Variants in PCDH9 observed in about 807,000 individuals in gnomAD.
PCDH9 encodes protocadherin-9.
In PCDH9, 24 loss-of-function variants were observed where a neutral mutation model predicts 70.6. The ratio of observed to expected loss-of-function variants is 0.34; its 90% confidence interval spans 0.25 to 0.48. The LOEUF is 0.48. Ranked by LOEUF, PCDH9 falls within the 20% of genes least tolerant of loss-of-function variation. The probability of loss-of-function intolerance (pLI) is 0.99; values close to 1 mark genes in which losing one functional copy is unlikely to be tolerated. For missense variants in PCDH9, 1,281 were observed against 1,503.6 expected (o/e 0.85, Z 2.45); for synonymous variants, 562 against 558.5 (o/e 1.01, Z -0.09).
intron 3 of PCDH9, among the ~76,000 whole-genome samples, chr13:66,655,326 G>A (rs1221500016): frequency 6.6e-6 from 1 of 151,908 alleles, no homozygotes; most frequent in Non-Finnish European, 1.5e-5. Flanking sequence ...CTAGAAAGGA[G>A]AAAAGTGCTT....
intron 4 of PCDH9, among the ~76,000 whole-genome samples, chr13:66,610,326 A>G (rs1428994656): frequency 6.6e-6 from 1 of 152,108 alleles, no homozygotes; most frequent in Non-Finnish European, 1.5e-5. Context: ...TTCACAGCCT[A>G]ACTTGAAAGT....
intron 3 of PCDH9, among the ~76,000 whole-genome samples, chr13:66,863,502 TC>T (rs2081518033): frequency 6.6e-6 from 1 of 152,202 alleles, no homozygotes; most frequent in African/African-American, 2.4e-5. Context: ...GTTTTGTTTT[TC>T]TGAGATGGAG....
At chr13:67,129,521 T>C (rs1333346790) in intron 2 of PCDH9, among the ~76,000 whole-genome samples, 1 of 152,086 alleles carries the variant, frequency 6.6e-6, no homozygotes, top group Non-Finnish European at 1.5e-5. Context: ...AATTTATTAG[T>C]CTATAAGAAT....
intron 2 of PCDH9, among the ~76,000 whole-genome samples, chr13:67,035,810 A>C (rs1184434806): frequency 6.6e-6 from 1 of 152,100 alleles, no homozygotes; most frequent in Non-Finnish European, 1.5e-5. Context: ...CAATGATGAG[A>C]ATTCATCTTT....
intron 4 of PCDH9, among the ~76,000 whole-genome samples, chr13:66,574,544 G>C (rs924540879): frequency 6.6e-6 from 1 of 152,058 alleles, no homozygotes; most frequent in African/African-American, 2.4e-5. Context: ...AATTGTTCCA[G>C]TCTTCTAAAT....
At chr13:66,645,166 TG>T (rs1474246280) in intron 3 of PCDH9, among the ~76,000 whole-genome samples, 1 of 152,086 alleles carries the variant, frequency 6.6e-6, no homozygotes, top group East Asian at 1.9e-4. Flanking sequence ...GCAGTTTGGG[TG>T]ATAACCAATC....
At chr13:66,609,346 TG>T (rs1042652637) in intron 4 of PCDH9, among the ~76,000 whole-genome samples, 12 of 152,168 alleles carry the variant, frequency 7.9e-5, no homozygotes, top group Non-Finnish European at 1.3e-4. Flanking sequence ...TATTTCTTTT[TG>T]CTAACTTAAA....
chr13:66,830,640 TA>T (rs2080909415), intron 3 of PCDH9, among the ~76,000 whole-genome samples: 1 of 152,214 alleles, frequency 6.6e-6, no homozygotes, highest in Non-Finnish European at 1.5e-5. Flanking sequence ...GTCCATATAG[TA>T]AAATTCTTAA....
At chr13:66,852,543 G>C (rs2081330761) in intron 3 of PCDH9, among the ~76,000 whole-genome samples, 2 of 152,224 alleles carry the variant, frequency 1.3e-5, no homozygotes, top group Middle Eastern at 6.8e-3. Flanking sequence ...GAGACTGAGA[G>C]GAATAACTTC....
At chr13:66,940,420 T>A (rs192944961) in intron 2 of PCDH9, among the ~76,000 whole-genome samples, 1 of 152,248 alleles carries the variant, frequency 6.6e-6, no homozygotes, top group East Asian at 1.9e-4. Context: ...AGTAAGCGTT[T>A]TCTGTGTTTA....
intron 4 of PCDH9, among the ~76,000 whole-genome samples, chr13:66,517,284 A>G (rs1959783389): frequency 6.6e-6 from 1 of 152,164 alleles, no homozygotes; most frequent in Non-Finnish European, 1.5e-5. Context: ...TGACCGATTT[A>G]TTAAATCATT....
At chr13:67,139,765 T>C (rs2087326933) in intron 2 of PCDH9, among the ~76,000 whole-genome samples, 1 of 152,180 alleles carries the variant, frequency 6.6e-6, no homozygotes, top group South Asian at 2.1e-4. Flanking sequence ...GTACCCAATC[T>C]GACTCTGCAT....
At chr13:66,874,075 T>A (rs1339266428) in intron 3 of PCDH9, among the ~76,000 whole-genome samples, 1 of 151,872 alleles carries the variant, frequency 6.6e-6, no homozygotes, top group Admixed American at 6.6e-5. Context: ...CAAGTAGCTG[T>A]GGCTACAGGT....
At chr13:66,621,146 C>G (rs2077416593) in intron 4 of PCDH9, among the ~76,000 whole-genome samples, 1 of 152,138 alleles carries the variant, frequency 6.6e-6, no homozygotes, top group South Asian at 2.1e-4. Context: ...ATGTTTATGA[C>G]CATTTGTCAC....
chr13:66,906,077 T>C (rs1331296756), intron 2 of PCDH9, among the ~76,000 whole-genome samples: 1 of 152,180 alleles, frequency 6.6e-6, no homozygotes, highest in African/African-American at 2.4e-5. Flanking sequence ...ATACTCTCAC[T>C]CTAGCCCTGA....
intron 3 of PCDH9, among the ~76,000 whole-genome samples, chr13:66,797,643 G>A (rs1025213573): frequency 2.0e-5 from 3 of 151,998 alleles, no homozygotes; most frequent in Non-Finnish European, 2.9e-5. Context: ...ATAACTCAAC[G>A]TTAAACCTCT....
intron 4 of PCDH9, among the ~76,000 whole-genome samples, chr13:66,388,560 T>G (rs1956968668): frequency 6.6e-6 from 1 of 152,160 alleles, no homozygotes; most frequent in Non-Finnish European, 1.5e-5. Flanking sequence ...GTTTATAGTT[T>G]ACAGTTAAAA....
chr13:66,761,314 G>C (rs2079623598), intron 3 of PCDH9, among the ~76,000 whole-genome samples: 1 of 152,060 alleles, frequency 6.6e-6, no homozygotes, highest in East Asian at 1.9e-4. Flanking sequence ...AGGGAAAATA[G>C]ACAAGAAACT....
chr13:67,202,151 C>G (rs370677449), intron 2 of PCDH9: 13 of 151,832 alleles, frequency 8.6e-5, no homozygotes, highest in African/African-American at 3.1e-4. Flanking sequence ...ACCAACCTAT[C>G]TTGGTGTGGT....
Sources: gnomAD v4.1 joint callset for allele counts (sites outside exome capture counted in the v4.1 genomes callset) on GRCh38, gnomAD v4.1.1 for gene constraint, MANE v1.5 for transcripts, NCBI Gene and HGNC (gene_info 2026-07-23, HGNC 2026-07-21) for gene names.